Variants in RELCH observed in about 807,000 individuals in gnomAD.
RELCH encodes RAB11 binding and LisH domain, coiled-coil and HEAT repeat containing.
In RELCH, 41 loss-of-function variants were observed where a neutral mutation model predicts 150.3. The observed-to-expected ratio is 0.27, with a 90% CI of 0.21 to 0.35. The LOEUF is 0.35. RELCH is among the 10% of genes least tolerant of loss of function. The pLI is 1.00. For missense variants in RELCH, 1,092 were observed against 1,467.8 expected (o/e 0.74, Z 4.18); for synonymous variants, 478 against 531.8 (o/e 0.90, Z 1.39).
chr18:62,287,365 T>C lies in RELCH; in HGVS notation c.3268T>C (p.Leu1090=). 6.3e-7 allele frequency: 1 copy of C among 1,591,210 alleles called. No individual in the cohort carries two copies. Among genetic ancestry groups the C allele is most frequent in the East Asian group, 2.2e-5 (1 of 44,590 alleles). Residue 1090 remains leucine (L), a synonymous_variant, in exon 26 of 29, where the codon TTG becomes CTG. Transcript: ENST00000644646. The part of the protein sequence containing the change: ...RFRDEFVIPH[L]HKLALVNNLQ... ...TCTGTTTTCAGTTGTTATACCACAT[T>C]TGCATAAGTTAGCCTTGGTGAACAA...
intron 1 of RELCH, among the ~76,000 whole-genome samples, chr18:62,208,173 T>C (rs2148290495): frequency 6.6e-6 from 1 of 152,322 alleles, no homozygotes; most frequent in Non-Finnish European, 1.5e-5. Flanking sequence ...CCTTCATTCA[T>C]TGGCCATTTC....
At chr18:62,236,071 A>G (rs755753607) in intron 10 of RELCH, among the ~76,000 whole-genome samples, 2 of 151,978 alleles carry the variant, frequency 1.3e-5, no homozygotes, top group African/African-American at 4.8e-5. Flanking sequence ...ACCATTGACT[A>G]TGATGTTTGC....
chr18:62,266,618 G>C (rs1328196954), intron 18 of RELCH, 83 bp from the exon 19 acceptor site: 1 of 777,858 alleles, frequency 1.3e-6, no homozygotes, highest in East Asian at 2.6e-5. Flanking sequence ...ATGAATAGTA[G>C]TAGCAACAGT....
intron 26 of RELCH, among the ~76,000 whole-genome samples, chr18:62,288,583 T>G (rs1376769813): frequency 6.6e-6 from 1 of 152,140 alleles, no homozygotes; most frequent in East Asian, 1.9e-4. Context: ...CAGAGCAGTT[T>G]ATGTTGGAAA....
intron 26 of RELCH, among the ~76,000 whole-genome samples, chr18:62,288,881 A>G (rs980238899): frequency 2.6e-5 from 4 of 152,186 alleles, no homozygotes; most frequent in African/African-American, 9.6e-5. Context: ...ACAGTGGTGC[A>G]TCGCAGAGTT....
intron 1 of RELCH, among the ~76,000 whole-genome samples, chr18:62,198,765 G>A (rs17644227): frequency 0.27 from 41,035 of 151,806 alleles, 6,030 homozygotes; most frequent in Middle Eastern, 0.46. Context: ...CCTCCTGTCC[G>A]AAGCAACTTT....
At position 62,275,395 on chromosome 18, in the gene RELCH, G is replaced by A. The variant is rs376669611; in HGVS notation, c.2889G>A (p.Glu963=). 42 of 1,547,286 alleles carry A rather than the reference G, an allele frequency of 2.7e-5. No individual in the cohort carries two copies. Among genetic ancestry groups the A allele is most frequent in the Non-Finnish European group, 3.4e-5 (39 of 1,154,016 alleles). Residue 963 remains glutamate, a synonymous_variant, in exon 22 of 29, where the codon GAG becomes GAA. Transcript: ENST00000644646. Reference sequence around the variant, plus strand: ...CTAGTGCAAACCCAGCCTACCATGAGTTACTATTAACTGTTTTGTGGTATG... The same window carrying A: ...CTAGTGCAAACCCAGCCTACCATGAATTACTATTAACTGTTTTGTGGTATG... ...VELGANPAYH[E]LLLTVLWYGV...
intron 10 of RELCH, among the ~76,000 whole-genome samples, chr18:62,243,787 T>C (rs2148494382): frequency 6.6e-6 from 1 of 152,224 alleles, no homozygotes; most frequent in Middle Eastern, 3.4e-3. Flanking sequence ...AATCATGCAT[T>C]ATTACAATAG....
chr18:62,291,698 C>G, intron 27 of RELCH, 67 bp downstream of exon 27: 1 of 1,021,148 alleles, frequency 9.8e-7, no homozygotes, highest in Non-Finnish European at 1.5e-6. Context: ...TTGCAGTCTT[C>G]TCTATGTGAG....
At chr18:62,217,698 G>A (rs1267696842) in intron 2 of RELCH, among the ~76,000 whole-genome samples, 1 of 151,994 alleles carries the variant, frequency 6.6e-6, no homozygotes, top group Middle Eastern at 3.2e-3. Context: ...AGTCTTCAGA[G>A]TACTTGTGAA....
intron 2 of RELCH, among the ~76,000 whole-genome samples, chr18:62,214,023 G>A (rs1244016838): frequency 1.4e-5 from 2 of 147,896 alleles, no homozygotes; most frequent in Non-Finnish European, 3.0e-5. Flanking sequence ...GTTTTGGCCT[G>A]TTTTTTTTTT....
chr18:62,255,647 A>T, intron 13 of RELCH, among the ~76,000 whole-genome samples, 169 bp downstream of exon 13: 1 of 152,130 alleles, frequency 6.6e-6, no homozygotes, highest in Non-Finnish European at 1.5e-5. Flanking sequence ...GGCATTGCAG[A>T]CACATAGGTA....
rs2040414293 is a variant in RELCH at position 62,215,276 on chromosome 18, A to G, written c.616+4034A>G. Among the ~76,000 whole-genome samples the G allele has an allele frequency of 2.0e-5, 3 of 152,230 alleles. No individual in the cohort carries two copies. The South Asian group carries it at 6.2e-4, about 32-fold the overall frequency. On this transcript the variant is annotated intron_variant, in intron 2 of 28. Coordinates refer to ENST00000644646, the MANE Select transcript of RELCH (RefSeq NM_001346231.2). ...ACTATGATATGAGGCAAAAAGAAGAAGAATAAAGAGACATCTAAGAACAAA... is the reference window on the plus strand; with the variant it reads ...ACTATGATATGAGGCAAAAAGAAGAGGAATAAAGAGACATCTAAGAACAAA...
At chr18:62,197,585 A>G (rs1330463925) in intron 1 of RELCH, among the ~76,000 whole-genome samples, 1 of 152,206 alleles carries the variant, frequency 6.6e-6, no homozygotes, top group African/African-American at 2.4e-5. Flanking sequence ...GGAAATCTAT[A>G]TAGGAAAACC....
intron 11 of RELCH, 124 bp downstream of exon 11, chr18:62,245,000 C>T (rs76520791): frequency 0.02 from 13,004 of 637,716 alleles, 497 homozygotes; most frequent in East Asian, 0.14. Flanking sequence ...ATTTTAGCAG[C>T]GCTGGAGCAT....
At chr18:62,220,787 C>T in intron 2 of RELCH, 1 of 485,472 alleles carries the variant, frequency 2.1e-6, no homozygotes, top group Non-Finnish European at 3.6e-6. Context: ...AGAGCTATTC[C>T]TTGTCAGACA....
chr18:62,205,510 G>A (rs1439295293), intron 1 of RELCH, among the ~76,000 whole-genome samples: 1 of 152,254 alleles, frequency 6.6e-6, no homozygotes, highest in East Asian at 1.9e-4. Flanking sequence ...TCAGCATAAA[G>A]CGTTTGAGAT....
rs552815341 is a variant in RELCH, at chr18:62,202,189, C to T, written c.527-8964C>T. Among the ~76,000 whole-genome samples, 89 of 152,250 alleles carry T rather than the reference C, an allele frequency of 5.8e-4. 1 individual carries two copies. The highest frequency in any genetic ancestry group is 4.6e-3 in the South Asian group (22 of 4,830). On this transcript the variant is annotated intron_variant, in intron 1 of 28. Coordinates refer to ENST00000644646, the MANE Select transcript of RELCH (RefSeq NM_001346231.2). ...GAAATGCTCTGTAGTTAAAATACTTCATATTAGAATATGGTAGATTCTTAA... is the reference window on the plus strand; with the variant it reads ...GAAATGCTCTGTAGTTAAAATACTTTATATTAGAATATGGTAGATTCTTAA...
Position 62,287,473 on chromosome 18 carries a change from C to G in RELCH, c.3370+6C>G, listed in dbSNP as rs1377871900. 1 of 1,423,604 alleles carries G rather than the reference C, an allele frequency of 7.0e-7. No homozygotes were observed. The highest frequency in any genetic ancestry group is 1.4e-5 in the African/African-American group (1 of 70,678). The allele number at this position is 1,423,604 out of a possible 1,614,324, so 88.2% of individuals were successfully genotyped here. ...CAGTGCACTTTCCTGTTGTTGTATC[C>G]TTGTTTTATTAAGGTGTATCTACAT... is the stretch of plus-strand genomic sequence containing the variant. On this transcript the variant is annotated splice_donor_region_variant and intron_variant, in intron 26 of 28. Transcript: ENST00000644646.
Sources: gnomAD v4.1 joint callset for allele counts (sites outside exome capture counted in the v4.1 genomes callset) on GRCh38, gnomAD v4.1.1 for gene constraint, MANE v1.5 for transcripts, NCBI Gene and HGNC (gene_info 2026-07-23, HGNC 2026-07-21) for gene names.